Variants in RIMS1 observed in about 807,000 individuals in gnomAD.
The protein encoded by RIMS1 is regulating synaptic membrane exocytosis 1, also known as regulating synaptic membrane exocytosis protein 1.
Under a neutral mutation model 214.1 loss-of-function variants are expected in RIMS1, and 83 were observed. The ratio of observed to expected loss-of-function variants is 0.39; its 90% CI spans 0.32 to 0.47. RIMS1 has a LOEUF of 0.47. Ranked by LOEUF, RIMS1 falls within the 20% of genes least tolerant of loss-of-function variation. The pLI is 0.99. For synonymous variants in RIMS1, 793 were observed against 786.8 expected, an observed-to-expected ratio of 1.01 and a Z score of -0.13; for missense variants, 2,050 against 2,161.8, an observed-to-expected ratio of 0.95 and a Z score of 1.03.
intron 2 of RIMS1, among the ~76,000 whole-genome samples, chr6:72,016,775 G>C (rs954416450): frequency 6.6e-6 from 1 of 152,176 alleles, no homozygotes; most frequent in African/African-American, 2.4e-5. Flanking sequence ...TGAGGAGACA[G>C]TTGTACATTT....
chr6:71,970,746 A>G (rs1428071284), intron 2 of RIMS1, among the ~76,000 whole-genome samples: 1 of 152,210 alleles, frequency 6.6e-6, no homozygotes, highest in Non-Finnish European at 1.5e-5. Flanking sequence ...TTTCTGTTTA[A>G]AATAATGAAC....
At position 72,190,171 on chromosome 6, in the gene RIMS1, G is replaced by A. The variant is rs531436651; in HGVS notation, c.1678+7022G>A. 2.8e-4 allele frequency among the ~76,000 whole-genome samples: 43 copies of A among 152,214 alleles called. No individual in the cohort carries two copies. In the South Asian group the frequency reaches 5.8e-3, roughly 21 times the overall value. ...TGTCCTTCAGGGATGTCCTAGAAAG[G>A]GGGTGTAGTAGGCTGGGGAAGCTGG... On this transcript the variant is annotated intron_variant, in intron 6 of 33. Coordinates refer to ENST00000521978, the MANE Select transcript of RIMS1 (RefSeq NM_014989.7).
rs765953432 is a variant in RIMS1, at chr6:72,400,658, C to G, written c.5023C>G (p.Arg1675Gly). Residue 1675 changes from arginine to glycine, a missense_variant, in exon 34 of 34, where the codon CGG becomes GGG. This residue lies in a region of RIMS1 where 33 missense variants were observed against 40.9 expected (regional missense o/e 0.81). Transcript: ENST00000521978. Reference sequence around the variant, plus strand: ...TCCCACACTCACTCCCCTCACCCGGCGGGCTTCCCAGTCATCTCTGGAAAG... The same window carrying G: ...TCCCACACTCACTCCCCTCACCCGGGGGGCTTCCCAGTCATCTCTGGAAAG... Reference protein sequence around the residue: ...VDPTLTPLTRRASQSSLESST... With the variant: ...VDPTLTPLTRGASQSSLESST... 2 of 1,613,880 alleles carry G rather than the reference C, an allele frequency of 1.2e-6. No homozygotes were observed. The highest frequency in any genetic ancestry group is 3.3e-5 in the Admixed American group (2 of 60,028).
At chr6:72,371,194 G>T (rs760037888) in intron 29 of RIMS1, among the ~76,000 whole-genome samples, 16 of 151,664 alleles carry the variant, frequency 1.1e-4, no homozygotes, top group Non-Finnish European at 2.1e-4. Flanking sequence ...TGGTCTGGAG[G>T]GTCTATTATG....
rs1340139137 is a variant in RIMS1, at chr6:72,155,453, G to A, written c.472-24122G>A. Among the ~76,000 whole-genome samples the A allele has an allele frequency of 2.9e-5, 4 of 139,942 alleles. 1 individual carries two copies. Among genetic ancestry groups the A allele is most frequent in the Admixed American group, 2.2e-4 (3 of 13,590 alleles). 91.8% of individuals were successfully genotyped at this position (139,942 alleles called of 152,430 possible). A position where few individuals can be genotyped will look rare whatever the true frequency, so the allele number is the denominator to read the frequency against. ...TTCCACATTTTCAGGTATCTTTTCAGCAACACCCCATTCTCGTTACCAATA... is the reference window on the plus strand; with the variant it reads ...TTCCACATTTTCAGGTATCTTTTCAACAACACCCCATTCTCGTTACCAATA... On this transcript the variant is annotated intron_variant, in intron 4 of 33. Transcript: ENST00000521978.
chr6:72,337,697 G>A lies in RIMS1; in HGVS notation c.4366+3862G>A, dbSNP rs553935577. ...GTTGGTGTGCTGCACCCATTAACTC[G>A]TCATTTAGCATTAGGTATATCTCCT... is the stretch of plus-strand genomic sequence containing the variant. On this transcript the variant is annotated intron_variant, in intron 29 of 33. Coordinates refer to ENST00000521978, the MANE Select transcript of RIMS1 (RefSeq NM_014989.7). Among the ~76,000 whole-genome samples, 63 of 149,236 alleles carry A rather than the reference G, an allele frequency of 4.2e-4. No homozygotes were observed. The Middle Eastern group carries it at 0.01, about 25-fold the overall frequency.
intron 2 of RIMS1, among the ~76,000 whole-genome samples, chr6:72,096,393 C>T (rs2031696629): frequency 6.6e-6 from 1 of 152,142 alleles, no homozygotes; most frequent in South Asian, 2.1e-4. Flanking sequence ...GGATAGAAGA[C>T]AGATTGCCCA....
intron 6 of RIMS1, among the ~76,000 whole-genome samples, chr6:72,225,474 T>G (rs2059917390): frequency 1.3e-5 from 2 of 152,234 alleles, no homozygotes; most frequent in African/African-American, 4.8e-5. Context: ...TTTGCTAGTA[T>G]TGCCTGGGTC....
Position 72,401,829 on chromosome 6 carries a change from T to G in RIMS1, c.*1115T>G, listed in dbSNP as rs1413782290. Reference sequence around the variant, plus strand: ...TCAATATTCCACTGGAAATTCCAGTTGAAATATTCTGCACTAAACTATTGT... The same window carrying G: ...TCAATATTCCACTGGAAATTCCAGTGGAAATATTCTGCACTAAACTATTGT... On this transcript the variant is annotated 3_prime_UTR_variant, in exon 34 of 34. Coordinates refer to ENST00000521978, the MANE Select transcript of RIMS1 (RefSeq NM_014989.7). 1 of 152,678 alleles carries G rather than the reference T, an allele frequency of 6.5e-6. No individual in the cohort carries two copies. Among genetic ancestry groups the G allele is most frequent in the African/African-American group, 2.4e-5 (1 of 41,470 alleles). The allele number at this position is 152,678 out of a possible 1,614,324, so 9.5% of individuals were successfully genotyped here. A position where few individuals can be genotyped will look rare whatever the true frequency, so the allele number is the denominator to read the frequency against.
At chr6:72,274,723 G>C (rs2085276334) in intron 23 of RIMS1, among the ~76,000 whole-genome samples, 1 of 152,058 alleles carries the variant, frequency 6.6e-6, no homozygotes. Context: ...TTTAAATACT[G>C]TTTTTGTTGA....
At chr6:72,317,161 C>A in intron 28 of RIMS1, 1 of 343,156 alleles carries the variant, frequency 2.9e-6, no homozygotes. Flanking sequence ...CCAGGGTGCC[C>A]CCTCCCCAGA....
intron 29 of RIMS1, among the ~76,000 whole-genome samples, chr6:72,374,141 T>C (rs1051722986): frequency 9.2e-5 from 14 of 152,056 alleles, no homozygotes; most frequent in Non-Finnish European, 2.9e-5. Flanking sequence ...TCTCGATCTC[T>C]TGACCTCGTG....
intron 4 of RIMS1, among the ~76,000 whole-genome samples, chr6:72,121,637 C>A (rs2038342652): frequency 6.6e-6 from 1 of 151,904 alleles, no homozygotes; most frequent in Non-Finnish European, 1.5e-5. Flanking sequence ...AATTGAATAC[C>A]CTTTATTTCT....
intron 6 of RIMS1, among the ~76,000 whole-genome samples, chr6:72,183,914 G>C (rs548049495): frequency 2.0e-4 from 30 of 152,240 alleles, no homozygotes; most frequent in Admixed American, 1.5e-3. Context: ...CACACTTATA[G>C]ACTACGTGGC....
rs931023755 is a variant in RIMS1, at chr6:72,121,842, A to T, written c.471+21856A>T. The stretch of plus-strand genomic sequence containing the variant: ...GATATGTCCTATCAATACCTAGTTT[A>T]TTGGGAGCTTTTAGGATAAAGGGCT... On this transcript the variant is annotated intron_variant, in intron 4 of 33. Coordinates refer to ENST00000521978, the MANE Select transcript of RIMS1 (RefSeq NM_014989.7). Among the ~76,000 whole-genome samples the T allele has an allele frequency of 7.9e-5, 12 of 151,818 alleles. 1 individual carries two copies. The highest frequency in any genetic ancestry group is 2.4e-5 in the African/African-American group (1 of 41,394).
rs367572857 is a variant in RIMS1, at chr6:72,390,725, C to T, written c.4494C>T (p.Ser1498=). 3.3e-5 allele frequency: 53 copies of T among 1,613,684 alleles called. No homozygotes were observed. The highest frequency in any genetic ancestry group is 4.5e-5 in the Non-Finnish European group (53 of 1,179,750). ...ESTDGSINSY[S]SEGNLIFPGV... is the part of the protein sequence containing the mutation. Reference sequence around the variant, plus strand: ...CTGATGGCAGCATCAACAGTTACAGCTCTGAGGGCAAGTAAGTGCTGTCAG... The same window carrying T: ...CTGATGGCAGCATCAACAGTTACAGTTCTGAGGGCAAGTAAGTGCTGTCAG... The change falls in exon 30 of 34, where the codon AGC becomes AGT. Residue 1498 remains serine (S), a synonymous_variant. Transcript: ENST00000521978.
chr6:72,293,217 C>G (rs1215615404), intron 26 of RIMS1, among the ~76,000 whole-genome samples: 1 of 151,924 alleles, frequency 6.6e-6, no homozygotes, highest in East Asian at 1.9e-4. Flanking sequence ...TCTATTGATA[C>G]TCCATGCTTT....
chr6:72,378,627 C>G (rs1263069058), intron 29 of RIMS1, among the ~76,000 whole-genome samples: 2 of 152,102 alleles, frequency 1.3e-5, no homozygotes, highest in African/African-American at 4.8e-5. Context: ...GTCAGGAGTT[C>G]ACGACCAGCC....
At position 72,333,626 on chromosome 6, in the gene RIMS1, G is replaced by C; in HGVS notation, c.4157G>C (p.Arg1386Thr). 1 of 1,593,990 alleles carries C rather than the reference G, an allele frequency of 6.3e-7. No homozygotes were observed. The highest frequency in any genetic ancestry group is 8.5e-7 in the Non-Finnish European group (1 of 1,169,752). ...ISSFTPKMQG[R>T]RMGTSGRSIM... ...TCATTTACCCCCAAAATGCAAGGCA[G>C]ACGGATGGGGACTTCAGGAAGATCC... Residue 1386 changes from arginine to threonine, a missense_variant, in exon 29 of 34, where the codon AGA (arginine) becomes ACA (threonine). Arg to Thr is a moderately conservative substitution (Grantham distance 71). Transcript: ENST00000521978.
Sources: allele counts gnomAD v4.1 joint callset (sites outside exome capture counted in the v4.1 genomes callset), GRCh38; gene constraint gnomAD v4.1.1; regional missense constraint gnomAD v4.1.1; transcripts MANE v1.5; gene names NCBI Gene and HGNC (gene_info 2026-07-23, HGNC 2026-07-21).